Variants in SLC1A2 observed in about 807,000 individuals in gnomAD.
The protein encoded by SLC1A2 is solute carrier family 1 member 2.
SLC1A2 carries 15 observed loss-of-function variants against 48.8 expected under a neutral mutation model. The ratio of observed to expected loss-of-function variants is 0.31; its 90% CI spans 0.21 to 0.47. The LOEUF (loss-of-function observed/expected upper bound fraction) is 0.47, where lower values mean the gene tolerates loss of function less well. SLC1A2 is among the 20% of genes least tolerant of loss of function. The pLI, the probability that SLC1A2 is intolerant of heterozygous loss-of-function variation, is 0.99. For synonymous variants in SLC1A2, 279 were observed against 272.6 expected (o/e 1.02, Z -0.23); for missense variants, 502 against 730.5 (o/e 0.69, Z 3.61).
chr11:35,275,090 AT>A (rs1850399210), intron 9 of SLC1A2, among the ~76,000 whole-genome samples: 2 of 152,164 alleles, frequency 1.3e-5, no homozygotes, highest in Non-Finnish European at 2.9e-5. Context: ...CCTCAGATAT[AT>A]CTCTGGGAGA....
At position 35,257,486 on chromosome 11, in the gene SLC1A2, G is replaced by A. The variant is rs1950328958; in HGVS notation, c.*3408C>T. ...AAAAACTGAAACTGATAGCTATGTGGTTCAGCTCTCATAACCTAGAGTCCT... is the reference window on the plus strand; with the variant it reads ...AAAAACTGAAACTGATAGCTATGTGATTCAGCTCTCATAACCTAGAGTCCT... On this transcript the variant is annotated 3_prime_UTR_variant, in exon 11 of 11. Transcript: ENST00000278379. 1 of 152,144 alleles carries A rather than the reference G, an allele frequency of 6.6e-6. No individual in the cohort carries two copies. The highest frequency in any genetic ancestry group is 2.1e-4 in the South Asian group (1 of 4,826). The allele number at this position is 152,144 out of a possible 1,614,324, so 9.4% of individuals were successfully genotyped here.
intron 1 of SLC1A2, among the ~76,000 whole-genome samples, chr11:35,347,224 T>C (rs780586378): frequency 1.2e-4 from 19 of 152,240 alleles, no homozygotes; most frequent in African/African-American, 4.1e-4. Flanking sequence ...AAAGGAGCCA[T>C]GAGAGCGAGA....
chr11:35,378,064 G>C (rs1042344040), intron 1 of SLC1A2, among the ~76,000 whole-genome samples: 1 of 152,192 alleles, frequency 6.6e-6, no homozygotes, highest in African/African-American at 2.4e-5. Flanking sequence ...AACCACACAA[G>C]CTCCCAGAAA....
intron 3 of SLC1A2, among the ~76,000 whole-genome samples, chr11:35,312,989 C>T (rs1441778277): frequency 6.6e-6 from 1 of 152,134 alleles, no homozygotes; most frequent in African/African-American, 2.4e-5. Context: ...TACAAATGGT[C>T]TGTAACAAAT....
chr11:35,285,789 C>G (rs1850800595), intron 8 of SLC1A2: 1 of 152,186 alleles, frequency 6.6e-6, no homozygotes, highest in Non-Finnish European at 1.5e-5. Context: ...AAGCAACACT[C>G]TGGGCTGGGA....
intron 9 of SLC1A2, 90 bp downstream of exon 9, chr11:35,280,777 A>T: frequency 1.3e-6 from 1 of 778,034 alleles, no homozygotes. Context: ...CATGGGGATT[A>T]GCTAAGATCT....
Position 35,311,927 on chromosome 11 carries a change from G to A in SLC1A2, c.561+271C>T, listed in dbSNP as rs1208775394. Among the ~76,000 whole-genome samples, 9 of 14,626 alleles carry A rather than the reference G, an allele frequency of 6.2e-4. 1 individual carries two copies. Among genetic ancestry groups the A allele is most frequent in the Non-Finnish European group, 5.5e-4 (3 of 5,504 alleles). 9.6% of individuals were successfully genotyped at this position (14,626 alleles called of 152,430 possible). On this transcript the variant is annotated intron_variant, in intron 4 of 10. Coordinates refer to ENST00000278379, the MANE Select transcript of SLC1A2 (RefSeq NM_004171.4). ...GAGAGAGAGAGAGAGAGAGAGGCGG[G>A]GGGGGGGGGTGGGGGAGAAAGGAGG...
At chr11:35,269,468 T>G (rs1221363321) in intron 9 of SLC1A2, among the ~76,000 whole-genome samples, 1 of 152,326 alleles carries the variant, frequency 6.6e-6, no homozygotes, top group Non-Finnish European at 1.5e-5. Context: ...CTACCGTTTT[T>G]GGGGATAACT....
rs1003973649 is a variant in SLC1A2, at chr11:35,419,339, C to A, written c.-373G>T. On this transcript the variant is annotated 5_prime_UTR_variant, in exon 1 of 11. Transcript: ENST00000278379. The surrounding 1 kb of genome is among the most constrained non-coding windows in gnomAD (Gnocchi z 5.4). Reference sequence around the variant, plus strand: ...AGCCGCTGCCACCTGTGCTTTGCTGCGGGGCTCGCGGGCGCGGCGAGTGGC... The same window carrying A: ...AGCCGCTGCCACCTGTGCTTTGCTGAGGGGCTCGCGGGCGCGGCGAGTGGC... 1.3e-5 allele frequency: 3 copies of A among 233,712 alleles called. No individual in the cohort carries two copies. The highest frequency in any genetic ancestry group is 1.6e-5 in the Non-Finnish European group (2 of 121,836). 14.5% of individuals were successfully genotyped at this position (233,712 alleles called of 1,614,324 possible). A position where few individuals can be genotyped will look rare whatever the true frequency, so the allele number is the denominator to read the frequency against.
intron 10 of SLC1A2, among the ~76,000 whole-genome samples, chr11:35,262,763 A>G (rs1372472676): frequency 6.6e-6 from 1 of 152,232 alleles, no homozygotes; most frequent in Non-Finnish European, 1.5e-5. Flanking sequence ...ACTAAGCTGA[A>G]CCCAACAATT....
intron 1 of SLC1A2, among the ~76,000 whole-genome samples, chr11:35,396,663 C>T (rs991330905): frequency 3.9e-5 from 6 of 152,094 alleles, no homozygotes; most frequent in African/African-American, 1.4e-4. Context: ...TTTTGCTGTG[C>T]AGAAGCTCTT....
rs746123027 is a variant in SLC1A2, at chr11:35,265,612, T to G, written c.1568A>C (p.Tyr523Ser). 2 of 1,612,794 alleles carry G rather than the reference T, an allele frequency of 1.2e-6. No individual in the cohort carries two copies. Residue 523 changes from tyrosine (Y) to serine (S), a missense_variant, in exon 10 of 11, where the codon TAT becomes TCT. Physicochemically the swap from Tyr to Ser is moderately radical, Grantham distance 144 (BLOSUM62 -2). Transcript: ENST00000278379. ...TTCCCTGTGGTTCTTCATGTCATCA[T>G]AAATGGATTGAGTCTTGGTCATTTC... is the stretch of plus-strand genomic sequence containing the variant. ...DIEMTKTQSI[Y>S]DDMKNHRESN...
intron 1 of SLC1A2, among the ~76,000 whole-genome samples, chr11:35,362,648 T>C (rs1853721175): frequency 6.6e-6 from 1 of 152,228 alleles, no homozygotes; most frequent in African/African-American, 2.4e-5. Context: ...ATTATGATTA[T>C]CCTTACTATG....
chr11:35,378,474 T>C lies in SLC1A2; in HGVS notation c.17+40476A>G, dbSNP rs77594660. Among the ~76,000 whole-genome samples, 702 of 152,380 alleles carry C rather than the reference T, an allele frequency of 4.6e-3. 4 individuals carry two copies. Among genetic ancestry groups the C allele is most frequent in the East Asian group, 0.031 (160 of 5,184 alleles). On this transcript the variant is annotated intron_variant, in intron 1 of 10. Coordinates refer to ENST00000278379, the MANE Select transcript of SLC1A2 (RefSeq NM_004171.4). The stretch of plus-strand genomic sequence containing the variant: ...AAATTGTCACAAACCTGCACTGATT[T>C]GTTAGCATCTTTATCTCTGAAAGCG...
chr11:35,372,041 C>A (rs1041777234), intron 1 of SLC1A2, among the ~76,000 whole-genome samples: 1 of 152,216 alleles, frequency 6.6e-6, no homozygotes, highest in Non-Finnish European at 1.5e-5. Flanking sequence ...CCCCATCAGT[C>A]ATGGTGCCTT....
Position 35,317,529 on chromosome 11 carries a change from T to C in SLC1A2, c.18-13A>G. 2 of 1,611,298 alleles carry C rather than the reference T, an allele frequency of 1.2e-6. No individual in the cohort carries two copies. Among genetic ancestry groups the C allele is most frequent in the South Asian group, 2.2e-5 (2 of 91,016 alleles). On this transcript the variant is annotated splice_polypyrimidine_tract_variant and intron_variant, in intron 1 of 10. Coordinates refer to ENST00000278379, the MANE Select transcript of SLC1A2 (RefSeq NM_004171.4). ...CATATTGTTGGCACTGGAACAGAAG[T>C]GAAGGCAGAGATTAGAGAGACTGGC...
At chr11:35,394,684 G>A (rs769432425) in intron 1 of SLC1A2, among the ~76,000 whole-genome samples, 1 of 152,192 alleles carries the variant, frequency 6.6e-6, no homozygotes, top group South Asian at 2.1e-4. Context: ...AAGCAAACCT[G>A]TAGGTCTGAC....
At chr11:35,313,490 G>A (rs1851771008) in intron 3 of SLC1A2, among the ~76,000 whole-genome samples, 1 of 152,126 alleles carries the variant, frequency 6.6e-6, no homozygotes, top group African/African-American at 2.4e-5. Flanking sequence ...TTCACTTCCT[G>A]GTTTCAGTTC....
At chr11:35,311,995 G>T in intron 4 of SLC1A2, 1 of 371,202 alleles carries the variant, frequency 2.7e-6, no homozygotes, top group African/African-American at 2.1e-5. Context: ...TGGAAAAAAA[G>T]GGATGTTTAA....
Sources: gnomAD v4.1 joint callset for allele counts (sites outside exome capture counted in the v4.1 genomes callset) on GRCh38, gnomAD v4.1.1 for gene constraint, Gnocchi (gnomAD v3.1) non-coding constraint, MANE v1.5 for transcripts, NCBI Gene and HGNC (gene_info 2026-07-23, HGNC 2026-07-21) for gene names.